The following DLGAP2 variants were observed in gnomAD, a reference collection of about 807,000 sequenced individuals.
DLGAP2 encodes disks large-associated protein 2.
DLGAP2 carries 26 observed loss-of-function variants against 100.3 expected under a neutral mutation model. The ratio of observed to expected loss-of-function variants is 0.26; its 90% CI spans 0.19 to 0.36. The LOEUF is 0.36. Ranked by LOEUF, DLGAP2 falls within the 10% of genes least tolerant of loss-of-function variation. DLGAP2 has a pLI of 1.00. For synonymous variants in DLGAP2, 886 were observed against 630.1 expected, an observed-to-expected ratio of 1.41 and a Z score of -6.08; for missense variants, 1,858 against 1,453.2, an observed-to-expected ratio of 1.28 and a Z score of -4.53.
intron 1 of DLGAP2, among the ~76,000 whole-genome samples, chr8:812,089 C>A (rs970821891): frequency 6.6e-6 from 1 of 152,224 alleles, no homozygotes; most frequent in African/African-American, 2.4e-5. Flanking sequence ...TGTGCTCCTC[C>A]ATCTCTGCAA....
intron 3 of DLGAP2, among the ~76,000 whole-genome samples, chr8:1,287,921 G>T (rs1351586077): frequency 7.0e-6 from 1 of 141,948 alleles, no homozygotes; most frequent in Non-Finnish European, 1.5e-5. Flanking sequence ...GTTAGGAGGG[G>T]AACTAGTTTT....
At chr8:921,478 T>C (rs981663477) in intron 2 of DLGAP2, among the ~76,000 whole-genome samples, 1 of 152,224 alleles carries the variant, frequency 6.6e-6, no homozygotes, top group Non-Finnish European at 1.5e-5. Flanking sequence ...TGCACGTCTA[T>C]GAGCATTTCT....
At chr8:1,303,783 G>T (rs1047533689) in intron 3 of DLGAP2, among the ~76,000 whole-genome samples, 2 of 152,092 alleles carry the variant, frequency 1.3e-5, no homozygotes, top group Admixed American at 1.3e-4. Context: ...AATTAATCCT[G>T]CATCCGGTGC....
intron 3 of DLGAP2, among the ~76,000 whole-genome samples, chr8:1,357,519 G>C (rs1013810268): frequency 4.0e-5 from 6 of 151,716 alleles, no homozygotes; most frequent in African/African-American, 1.5e-4. Flanking sequence ...AATACCATCT[G>C]TAGTAGTGAG....
At chr8:1,576,120 C>G (rs1350185669) in intron 6 of DLGAP2, among the ~76,000 whole-genome samples, 2 of 152,172 alleles carry the variant, frequency 1.3e-5, no homozygotes, top group Admixed American at 6.5e-5. Context: ...CACATCCTCT[C>G]CAGCACCTGT....
At chr8:1,010,213 A>T (rs1801236149) in intron 2 of DLGAP2, among the ~76,000 whole-genome samples, 1 of 152,188 alleles carries the variant, frequency 6.6e-6, no homozygotes, top group Non-Finnish European at 1.5e-5. Context: ...GCACACTCAG[A>T]TATCAGTTTT....
intron 3 of DLGAP2, among the ~76,000 whole-genome samples, chr8:1,392,473 G>A (rs867982189): frequency 9.9e-5 from 15 of 152,242 alleles, no homozygotes; most frequent in Non-Finnish European, 1.3e-4. Flanking sequence ...TGGACGCCGC[G>A]TGGTCCTTCT....
In DLGAP2 at chr8:1,206,567, C is replaced by T. The variant is rs111334607; in HGVS notation, c.74-52284C>T. ...TGTGAGCGGTTAATCTCCAGCCATC[C>T]GTGGGCGGGGGTAGACTGTGAGCAG... On this transcript the variant is annotated intron_variant, in intron 2 of 14. Coordinates refer to ENST00000637795, the MANE Select transcript of DLGAP2 (RefSeq NM_001346810.2). Among the ~76,000 whole-genome samples, 392 of 59,788 alleles carry T rather than the reference C, an allele frequency of 6.6e-3. 49 individuals carry two copies. The highest frequency in any genetic ancestry group is 0.013 in the African/African-American group (114 of 8,522). 39.2% of individuals were successfully genotyped at this position (59,788 alleles called of 152,430 possible). A position where few individuals can be genotyped will look rare whatever the true frequency, so the allele number is the denominator to read the frequency against.
intron 3 of DLGAP2, among the ~76,000 whole-genome samples, chr8:1,279,694 A>G (rs147305721): frequency 7.3e-4 from 111 of 152,304 alleles, no homozygotes; most frequent in Non-Finnish European, 8.1e-4. Context: ...CTGGCTTCCA[A>G]GCTCGCCCAG....
At chr8:1,186,569 G>T (rs1196025021) in intron 2 of DLGAP2, among the ~76,000 whole-genome samples, 1 of 152,128 alleles carries the variant, frequency 6.6e-6, no homozygotes, top group Non-Finnish European at 1.5e-5. Flanking sequence ...TGTTATTACG[G>T]CCATTCCCTT....
chr8:1,507,912 T>C (rs1169533537), intron 4 of DLGAP2, among the ~76,000 whole-genome samples: 1 of 145,592 alleles, frequency 6.9e-6, no homozygotes, highest in East Asian at 2.2e-4. Flanking sequence ...AATGGGAGCA[T>C]CGTGACCACA....
chr8:1,650,395 G>T (rs904920770), intron 8 of DLGAP2, among the ~76,000 whole-genome samples: 1 of 152,178 alleles, frequency 6.6e-6, no homozygotes, highest in African/African-American at 2.4e-5. Flanking sequence ...AGTCAAAATT[G>T]CTGTCTCTTC....
chr8:910,289 T>C (rs1305274110), intron 2 of DLGAP2: 1 of 152,246 alleles, frequency 6.6e-6, no homozygotes, highest in Non-Finnish European at 1.5e-5. Flanking sequence ...CCATTAACTT[T>C]ATACATGTCA....
chr8:1,201,827 G>A (rs997673772), intron 2 of DLGAP2, among the ~76,000 whole-genome samples: 2 of 152,080 alleles, frequency 1.3e-5, no homozygotes, highest in African/African-American at 4.8e-5. Context: ...CGGTGTAGGT[G>A]CTTGTGTGTA....
At chr8:898,450 G>C (rs1798188910) in intron 1 of DLGAP2, among the ~76,000 whole-genome samples, 1 of 152,224 alleles carries the variant, frequency 6.6e-6, no homozygotes, top group South Asian at 2.1e-4. Context: ...CACTTACTGA[G>C]ACGCTTCATC....
At chr8:907,800 C>T in intron 1 of DLGAP2, 112 bp from the exon 2 acceptor site, 1 of 395,444 alleles carries the variant, frequency 2.5e-6, no homozygotes, top group Non-Finnish European at 4.5e-6. Context: ...GGCACGCTGA[C>T]TTTGTGCAAC....
intron 3 of DLGAP2, among the ~76,000 whole-genome samples, chr8:1,425,308 T>TA (rs1301675591): frequency 6.6e-6 from 1 of 152,144 alleles, no homozygotes; most frequent in Non-Finnish European, 1.5e-5. Flanking sequence ...GGGGGGTTCA[T>TA]AAAAGCATGT....
rs1162978235 is a variant in DLGAP2, at chr8:952,947, C to T, written c.73+44981C>T. On this transcript the variant is annotated intron_variant, in intron 2 of 14. Transcript: ENST00000637795. ...ATTCCTTATGTTGAAATCTGTTGGT[C>T]TGTTTTATGCTTTGGAAGGTTCTTT... 2.6e-5 allele frequency among the ~76,000 whole-genome samples: 4 copies of T among 152,186 alleles called. No individual in the cohort carries two copies. In the East Asian group the frequency reaches 7.8e-4, roughly 29 times the overall value.
At chr8:1,539,609 C>T (rs147282090) in intron 4 of DLGAP2, among the ~76,000 whole-genome samples, 1,656 of 151,550 alleles carry the variant, frequency 0.011, 31 homozygotes, top group African/African-American at 0.037. Context: ...CTCTCCAGGC[C>T]CCACTTTCCT....
Sources: allele counts gnomAD v4.1 joint callset (sites outside exome capture counted in the v4.1 genomes callset), GRCh38; gene constraint gnomAD v4.1.1; transcripts MANE v1.5; gene names NCBI Gene and HGNC (gene_info 2026-07-23, HGNC 2026-07-21).